Variants in WDR72 observed in about 807,000 individuals in gnomAD.
The protein encoded by WDR72 is WD repeat-containing protein 72.
Under a neutral mutation model 124.2 loss-of-function variants are expected in WDR72, and 120 were observed. That is an observed-to-expected ratio of 0.97 (90% confidence interval 0.83 to 1.12). WDR72 has a LOEUF of 1.12. Ranked by LOEUF, WDR72 falls within the 50% of genes most tolerant of loss-of-function variation. The pLI, the probability that WDR72 is intolerant of heterozygous loss-of-function variation, is 0.00. For missense variants in WDR72, 1,387 were observed against 1,278.8 expected (o/e 1.08, Z -1.29); for synonymous variants, 452 against 441.7 (o/e 1.02, Z -0.29).
intron 1 of WDR72, among the ~76,000 whole-genome samples, chr15:53,745,763 T>C (rs749437236): frequency 1.1e-4 from 16 of 152,144 alleles, no homozygotes; most frequent in Non-Finnish European, 2.1e-4. Context: ...AAAAGGAGCC[T>C]TGTAGATCAC....
chr15:53,674,041 G>A (rs538777341), intron 13 of WDR72, among the ~76,000 whole-genome samples: 2 of 152,094 alleles, frequency 1.3e-5, no homozygotes, highest in Non-Finnish European at 2.9e-5. Context: ...AATAGGATAG[G>A]AATTATTTAG....
chr15:53,648,350 G>C (rs1340018983), intron 14 of WDR72, among the ~76,000 whole-genome samples: 1 of 151,946 alleles, frequency 6.6e-6, no homozygotes, highest in African/African-American at 2.4e-5. Flanking sequence ...TCACCCTCTG[G>C]AGATGAAAAC....
intron 13 of WDR72, among the ~76,000 whole-genome samples, chr15:53,678,865 A>G (rs1595842560): frequency 1.3e-5 from 2 of 152,372 alleles, no homozygotes; most frequent in East Asian, 3.9e-4. Flanking sequence ...CCATGTTCAC[A>G]GCAGCATTAT....
intron 14 of WDR72, among the ~76,000 whole-genome samples, chr15:53,617,226 G>C (rs187091471): frequency 6.6e-6 from 1 of 151,668 alleles, no homozygotes; most frequent in Admixed American, 6.6e-5. Context: ...TTAAAAATTT[G>C]ACACATATCT....
intron 17 of WDR72, among the ~76,000 whole-genome samples, chr15:53,597,627 T>A (rs372507760): frequency 2.0e-5 from 3 of 152,336 alleles, no homozygotes; most frequent in Admixed American, 1.3e-4. Flanking sequence ...ATTTATCCTA[T>A]GGCTCTTAAA....
At chr15:53,668,864 C>T (rs1202621359) in intron 13 of WDR72, among the ~76,000 whole-genome samples, 1 of 139,536 alleles carries the variant, frequency 7.2e-6, no homozygotes, top group African/African-American at 2.6e-5. Flanking sequence ...GTGATCATAC[C>T]ACTGTATTAT....
intron 14 of WDR72, among the ~76,000 whole-genome samples, chr15:53,636,053 T>C (rs898521647): frequency 6.6e-6 from 1 of 152,188 alleles, no homozygotes; most frequent in Admixed American, 6.5e-5. Context: ...ATTTTTCTTT[T>C]ATTGCTTCAG....
Position 53,716,622 on chromosome 15 carries a change from C to T in WDR72, c.324G>A (p.Arg108=). 5.6e-6 allele frequency: 9 copies of T among 1,607,626 alleles called. No homozygotes were observed. The highest frequency in any genetic ancestry group is 6.0e-6 in the Non-Finnish European group (7 of 1,174,124). ...GTGTACTTACACAGATTGCAGTGTGCCTGTAAGGAAGTGTAGCCTTCTCCA... is the reference window on the plus strand; with the variant it reads ...GTGTACTTACACAGATTGCAGTGTGTCTGTAAGGAAGTGTAGCCTTCTCCA... ...QCMEKATLPY[R]HTAICYYHCS... is the part of the protein sequence containing the mutation. The change falls in exon 4 of 20, where the codon AGG becomes AGA. Residue 108 remains arginine (R), a synonymous_variant. Transcript: ENST00000360509.
At chr15:53,538,136 G>A (rs1892860306) in intron 18 of WDR72, among the ~76,000 whole-genome samples, 1 of 152,036 alleles carries the variant, frequency 6.6e-6, no homozygotes, top group Non-Finnish European at 1.5e-5. Flanking sequence ...TAAATGGAAT[G>A]GAAATGATGA....
intron 18 of WDR72, among the ~76,000 whole-genome samples, chr15:53,540,645 G>T (rs1682402338): frequency 6.6e-6 from 1 of 151,836 alleles, no homozygotes; most frequent in South Asian, 2.1e-4. Flanking sequence ...GAGGAGCCAA[G>T]ATGGCTGAAT....
At chr15:53,743,025 C>A (rs538001586) in intron 1 of WDR72, among the ~76,000 whole-genome samples, 1 of 152,108 alleles carries the variant, frequency 6.6e-6, no homozygotes, top group East Asian at 1.9e-4. Context: ...AGATACCACA[C>A]TGGATTCTCA....
chr15:53,665,639 C>G lies in WDR72; in HGVS notation c.1895G>C (p.Arg632Thr). 6.2e-7 allele frequency: 1 copy of G among 1,613,888 alleles called. No individual in the cohort carries two copies. The highest frequency in any genetic ancestry group is 8.5e-7 in the Non-Finnish European group (1 of 1,179,874). The change falls in exon 14 of 20, where the codon AGA (arginine) becomes ACA (threonine). Residue 632 changes from arginine (R) to threonine (T), a missense_variant. Coordinates refer to ENST00000360509, the MANE Select transcript of WDR72 (RefSeq NM_182758.4). Reference protein sequence around the residue: ...ETLKHKSIEQRSSSPYQLGPL... With the variant: ...ETLKHKSIEQTSSSPYQLGPL... The stretch of plus-strand genomic sequence containing the variant: ...CCCAAGCTGGTAGGGGCTGGAGGAT[C>G]TCTGTTCTATACTTTTGTGCTTAAG...
chr15:53,617,454 T>C (rs2013813842), intron 14 of WDR72, among the ~76,000 whole-genome samples: 1 of 151,712 alleles, frequency 6.6e-6, no homozygotes, highest in Non-Finnish European at 1.5e-5. Flanking sequence ...AGTGATGATA[T>C]ATTTAATTTT....
intron 18 of WDR72, among the ~76,000 whole-genome samples, chr15:53,555,754 C>G (rs1893906949): frequency 6.6e-6 from 1 of 151,942 alleles, no homozygotes; most frequent in Non-Finnish European, 1.5e-5. Flanking sequence ...AATGGTTTGC[C>G]ATTTAAAAAA....
intron 9 of WDR72, among the ~76,000 whole-genome samples, chr15:53,706,385 T>TATATAC (rs1307223122): frequency 7.5e-6 from 1 of 133,078 alleles, no homozygotes; most frequent in African/African-American, 2.7e-5. Flanking sequence ...TATATATATA[T>TATATAC]ATATATATAT....
At chr15:53,740,985 G>C (rs748281104) in intron 1 of WDR72, among the ~76,000 whole-genome samples, 2 of 152,114 alleles carry the variant, frequency 1.3e-5, no homozygotes, top group Non-Finnish European at 2.9e-5. Context: ...CATACTTCTG[G>C]ATAATCCATA....
chr15:53,530,708 G>A (rs1197285192), intron 18 of WDR72, among the ~76,000 whole-genome samples: 1 of 152,030 alleles, frequency 6.6e-6, no homozygotes, highest in Non-Finnish European at 1.5e-5. Context: ...AATCAAAAGA[G>A]CATCATGCTA....
At chr15:53,736,149 T>C (rs1226320104) in intron 1 of WDR72, among the ~76,000 whole-genome samples, 1 of 152,180 alleles carries the variant, frequency 6.6e-6, no homozygotes, top group Non-Finnish European at 1.5e-5. Context: ...ACCCAATATT[T>C]ATCTAATATA....
In WDR72 at chr15:53,715,174, G is replaced by A; in HGVS notation, c.514+19C>T. On this transcript the variant is annotated intron_variant, in intron 5 of 19. Transcript: ENST00000360509. The stretch of plus-strand genomic sequence containing the variant: ...TTTATATGCAATCTCTCTACTGTCA[G>A]ATAATATCCAACTATTACCTTGAAT... The A allele has an allele frequency of 1.2e-6, 2 of 1,613,056 alleles. No individual in the cohort carries two copies. The highest frequency in any genetic ancestry group is 1.7e-6 in the Non-Finnish European group (2 of 1,179,222).
Sources: gnomAD v4.1 joint callset for allele counts (sites outside exome capture counted in the v4.1 genomes callset) on GRCh38, gnomAD v4.1.1 for gene constraint, MANE v1.5 for transcripts, NCBI Gene and HGNC (gene_info 2026-07-23, HGNC 2026-07-21) for gene names.